The following GRIA4 variants were observed in gnomAD, a reference collection of about 807,000 sequenced individuals.
GRIA4 encodes the protein glutamate ionotropic receptor AMPA type subunit 4.
GRIA4 carries 34 observed loss-of-function variants against 104.0 expected under a neutral mutation model. That is an observed-to-expected ratio of 0.33 (90% confidence interval 0.25 to 0.44). The LOEUF is 0.44. Ranked by LOEUF, GRIA4 falls within the 20% of genes least tolerant of loss-of-function variation. The probability of loss-of-function intolerance (pLI) is 1.00; values close to 1 mark genes in which losing one functional copy is unlikely to be tolerated. For synonymous variants in GRIA4, 386 were observed against 381.9 expected, an observed-to-expected ratio of 1.01 and a Z score of -0.13; for missense variants, 750 against 1,096.5, an observed-to-expected ratio of 0.68 and a Z score of 4.46.
chr11:105,705,122 T>A (rs1953646219), intron 3 of GRIA4, among the ~76,000 whole-genome samples: 1 of 152,166 alleles, frequency 6.6e-6, no homozygotes, highest in Admixed American at 6.6e-5. Flanking sequence ...CACATATAAA[T>A]TTATTATATG....
At chr11:105,957,692 C>T (rs945625359) in intron 14 of GRIA4, among the ~76,000 whole-genome samples, 64 of 152,080 alleles carry the variant, frequency 4.2e-4, no homozygotes, top group Non-Finnish European at 7.9e-4. Flanking sequence ...ATCTATAAAT[C>T]ACCTTGGGCA....
In GRIA4 at chr11:105,918,904, G is replaced by C; in HGVS notation, c.1462G>C (p.Glu488Gln). Reference sequence around the variant, plus strand: ...AAAAATCTGGAATGGGATGGTAGGAGAACTTGTTTATGGGGTAAGCAAATC... The same window carrying C: ...AAAAATCTGGAATGGGATGGTAGGACAACTTGTTTATGGGGTAAGCAAATC... ...DTKIWNGMVGELVYGKAEIAI... is the reference protein window; with the variant it reads ...DTKIWNGMVGQLVYGKAEIAI... Residue 488 changes from glutamate to glutamine, a missense_variant, in exon 11 of 17, where the codon GAA becomes CAA. This residue lies in a region of GRIA4 where 272 missense variants were observed against 524.5 expected (regional missense o/e 0.52). Transcript: ENST00000282499. 6.3e-7 allele frequency: 1 copy of C among 1,599,770 alleles called. No individual in the cohort carries two copies. Among genetic ancestry groups the C allele is most frequent in the Non-Finnish European group, 8.6e-7 (1 of 1,167,230 alleles).
At chr11:105,803,508 T>G (rs1942808660) in intron 4 of GRIA4, among the ~76,000 whole-genome samples, 1 of 151,936 alleles carries the variant, frequency 6.6e-6, no homozygotes, top group Admixed American at 6.6e-5. Context: ...TAATTATACA[T>G]ATTAATGTGA....
At chr11:105,717,639 C>A (rs1954139307) in intron 3 of GRIA4, among the ~76,000 whole-genome samples, 1 of 151,882 alleles carries the variant, frequency 6.6e-6, no homozygotes, top group South Asian at 2.1e-4. Flanking sequence ...TGACTTACAA[C>A]AAAGAAAAGA....
intron 5 of GRIA4, among the ~76,000 whole-genome samples, chr11:105,868,941 A>G (rs915588658): frequency 6.6e-6 from 1 of 152,150 alleles, no homozygotes; most frequent in East Asian, 1.9e-4. Context: ...CTTTAATATT[A>G]CTATTTAGCA....
intron 3 of GRIA4, among the ~76,000 whole-genome samples, chr11:105,720,996 C>G (rs1565490769): frequency 1.3e-5 from 2 of 152,128 alleles, no homozygotes; most frequent in East Asian, 3.9e-4. Flanking sequence ...ATGGGGCTGC[C>G]TAACTTGATG....
chr11:105,947,084 C>T (rs1371864740), intron 14 of GRIA4, among the ~76,000 whole-genome samples: 1 of 152,130 alleles, frequency 6.6e-6, no homozygotes, highest in African/African-American at 2.4e-5. Context: ...TGAAAAGACT[C>T]ATTCAAACTA....
chr11:105,911,796 A>ATG lies in GRIA4; in HGVS notation c.1269+1252_1269+1253insGT, dbSNP rs1947249972. 1.0e-5 allele frequency: 2 copies of ATG among 197,968 alleles called. 1 individual carries two copies. The highest frequency in any genetic ancestry group is 1.5e-4 in the Admixed American group (2 of 13,774). The allele number at this position is 197,968 out of a possible 1,614,324, so 12.3% of individuals were successfully genotyped here. A position where few individuals can be genotyped will look rare whatever the true frequency, so the allele number is the denominator to read the frequency against. ...AAGCAATATATATATATATATATATATATATATATATATGTTTCTTTTCCT... is the reference window on the plus strand; with the variant it reads ...AAGCAATATATATATATATATATATATGTATATATATATATGTTTCTTTTCCT... On this transcript the variant is annotated intron_variant, in intron 10 of 16. Transcript: ENST00000282499.
At chr11:105,760,117 T>A (rs1954763) in intron 4 of GRIA4, among the ~76,000 whole-genome samples, 4 of 152,044 alleles carry the variant, frequency 2.6e-5, no homozygotes, top group Admixed American at 2.6e-4. Context: ...ACAAAACTCA[T>A]TATTTCAAGA....
intron 3 of GRIA4, among the ~76,000 whole-genome samples, chr11:105,706,140 T>C (rs1220685159): frequency 1.3e-5 from 2 of 152,268 alleles, no homozygotes; most frequent in Non-Finnish European, 2.9e-5. Context: ...AAGCCAAGTG[T>C]AATGCATGTC....
At chr11:105,644,595 C>A (rs965623595) in intron 3 of GRIA4, among the ~76,000 whole-genome samples, 1 of 152,080 alleles carries the variant, frequency 6.6e-6, no homozygotes, top group Non-Finnish European at 1.5e-5. Context: ...AAGAGCCAGA[C>A]TCCATCTCAA....
chr11:105,912,257 T>A (rs1418812463), intron 10 of GRIA4: 11 of 979,300 alleles, frequency 1.1e-5, no homozygotes, highest in Non-Finnish European at 1.3e-5. Context: ...ATCTCGGAAT[T>A]TGTGTGCTTG....
chr11:105,756,410 T>C (rs1414339835), intron 4 of GRIA4, among the ~76,000 whole-genome samples: 1 of 152,146 alleles, frequency 6.6e-6, no homozygotes, highest in Non-Finnish European at 1.5e-5. Flanking sequence ...AATTACCGCA[T>C]TCCACCAACA....
chr11:105,844,315 T>C (rs1944502670), intron 4 of GRIA4, among the ~76,000 whole-genome samples: 1 of 152,222 alleles, frequency 6.6e-6, no homozygotes, highest in African/African-American at 2.4e-5. Context: ...TGTGGACAAA[T>C]AGTCCATTAT....
intron 3 of GRIA4, among the ~76,000 whole-genome samples, chr11:105,639,198 C>T (rs1057091562): frequency 6.6e-6 from 1 of 152,088 alleles, no homozygotes; most frequent in Non-Finnish European, 1.5e-5. Context: ...CTCTTTCCAA[C>T]TCTGAATTGA....
chr11:105,946,066 G>A (rs899105864), intron 14 of GRIA4, among the ~76,000 whole-genome samples: 13 of 152,214 alleles, frequency 8.5e-5, no homozygotes, highest in Middle Eastern at 3.4e-3. Context: ...GAAAACTGTG[G>A]TTAGAAAAAT....
chr11:105,658,052 G>T (rs980540353), intron 3 of GRIA4, among the ~76,000 whole-genome samples: 1 of 151,664 alleles, frequency 6.6e-6, no homozygotes, highest in African/African-American at 2.4e-5. Context: ...TTCAGAGAAA[G>T]TGTTAACAGC....
intron 14 of GRIA4, among the ~76,000 whole-genome samples, chr11:105,959,945 G>A (rs1269035568): frequency 4.6e-5 from 7 of 152,224 alleles, no homozygotes; most frequent in Admixed American, 2.0e-4. Flanking sequence ...GCAGGAAGAT[G>A]TCACTCAAGG....
chr11:105,755,288 A>G (rs1326737185), intron 4 of GRIA4, among the ~76,000 whole-genome samples: 1 of 152,216 alleles, frequency 6.6e-6, no homozygotes, highest in Non-Finnish European at 1.5e-5. Flanking sequence ...AAAAAGGAAC[A>G]AATGAAGAGG....
Sources: gnomAD v4.1 joint callset for allele counts (sites outside exome capture counted in the v4.1 genomes callset) on GRCh38, gnomAD v4.1.1 for gene constraint, gnomAD v4.1.1 regional missense constraint, MANE v1.5 for transcripts, NCBI Gene and HGNC (gene_info 2026-07-23, HGNC 2026-07-21) for gene names.